TAF4B: variants seen among roughly 807,000 people sequenced by gnomAD.
TAF4B encodes the protein TATA-box binding protein associated factor 4b.
A neutral mutation model predicts 86.4 loss-of-function variants in TAF4B; 38 were observed. The observed-to-expected ratio is 0.44, with a 90% confidence interval of 0.34 to 0.58. The LOEUF is 0.58. Ranked by LOEUF, TAF4B falls within the 20% of genes least tolerant of loss-of-function variation. The pLI, the probability that TAF4B is intolerant of heterozygous loss-of-function variation, is 0.02. For synonymous variants in TAF4B, 388 were observed against 391.2 expected (o/e 0.99, Z 0.10); for missense variants, 988 against 1,027.6 (o/e 0.96, Z 0.53).
chr18:26,295,265 TG>T (rs1211643624), intron 9 of TAF4B: 1 of 359,038 alleles, frequency 2.8e-6, no homozygotes, highest in East Asian at 9.3e-5. Flanking sequence ...TGTCATCTCT[TG>T]GTTGGATGAA....
At chr18:26,238,462 C>G (rs2055783273) in intron 1 of TAF4B, among the ~76,000 whole-genome samples, 1 of 150,790 alleles carries the variant, frequency 6.6e-6, no homozygotes. Flanking sequence ...TCCAGATAGT[C>G]CCCACTCTGC....
intron 14 of TAF4B, among the ~76,000 whole-genome samples, chr18:26,385,564 A>AT (rs34113512): frequency 0.36 from 54,007 of 151,972 alleles, 11,738 homozygotes; most frequent in East Asian, 0.81. Flanking sequence ...TTCATCTTTC[A>AT]TTTTCATCCA....
chr18:26,230,897 T>C (rs1022742581), intron 1 of TAF4B, among the ~76,000 whole-genome samples: 1 of 152,100 alleles, frequency 6.6e-6, no homozygotes, highest in Non-Finnish European at 1.5e-5. Flanking sequence ...ATTCTGAGGG[T>C]CATCACACAT....
intron 13 of TAF4B, among the ~76,000 whole-genome samples, chr18:26,346,759 G>GTATATATATATATATATATATA (rs1189521252): frequency 1.1e-4 from 3 of 27,112 alleles, no homozygotes; most frequent in Admixed American, 3.7e-4. Flanking sequence ...ATATATGTGT[G>GTATATATATATATATATATATA]TATATATATA....
At chr18:26,238,759 G>A (rs1260248239) in intron 1 of TAF4B, among the ~76,000 whole-genome samples, 2 of 151,992 alleles carry the variant, frequency 1.3e-5, no homozygotes, top group East Asian at 3.9e-4. Flanking sequence ...CCCACGACAG[G>A]CCCCAGTGTG....
At chr18:26,298,093 T>C (rs554596656) in intron 9 of TAF4B, among the ~76,000 whole-genome samples, 4 of 140,112 alleles carry the variant, frequency 2.9e-5, no homozygotes, top group Admixed American at 2.4e-4. Context: ...TGTAGCTCAC[T>C]GTGACTTTAA....
chr18:26,260,999 T>C (rs1280754144), intron 1 of TAF4B, among the ~76,000 whole-genome samples: 1 of 152,146 alleles, frequency 6.6e-6, no homozygotes, highest in African/African-American at 2.4e-5. Context: ...TAGCTTGTTG[T>C]TAACTATAGT....
intron 1 of TAF4B, among the ~76,000 whole-genome samples, chr18:26,264,418 C>CT (rs1262478560): frequency 4.6e-5 from 7 of 152,194 alleles, no homozygotes; most frequent in African/African-American, 1.7e-4. Context: ...GAGCGAGACT[C>CT]TGTCTCAAAA....
chr18:26,353,434 A>G (rs912325168), intron 13 of TAF4B, among the ~76,000 whole-genome samples: 3 of 152,248 alleles, frequency 2.0e-5, no homozygotes, highest in African/African-American at 7.2e-5. Context: ...ATCTAAGAAT[A>G]GAAGAGACTT....
chr18:26,294,433 G>A (rs981084786), intron 9 of TAF4B, among the ~76,000 whole-genome samples: 1 of 151,674 alleles, frequency 6.6e-6, no homozygotes, highest in African/African-American at 2.4e-5. Context: ...TTGGTGAAGT[G>A]TGTGTTCAAA....
chr18:26,336,753 A>G (rs988274384), intron 13 of TAF4B, among the ~76,000 whole-genome samples: 1 of 152,166 alleles, frequency 6.6e-6, no homozygotes, highest in African/African-American at 2.4e-5. Flanking sequence ...CCTTGTTTTA[A>G]TTAAGGACTG....
chr18:26,349,874 C>T (rs1336510368), intron 13 of TAF4B, among the ~76,000 whole-genome samples: 5 of 152,098 alleles, frequency 3.3e-5, no homozygotes, highest in Non-Finnish European at 7.4e-5. Context: ...CATAGACCAA[C>T]GGAACAGAAT....
At chr18:26,329,894 T>G (rs1437577781) in intron 12 of TAF4B, among the ~76,000 whole-genome samples, 1 of 152,212 alleles carries the variant, frequency 6.6e-6, no homozygotes, top group African/African-American at 2.4e-5. Context: ...AGCCTTGGCC[T>G]CTTGGGCTTA....
chr18:26,315,095 A>ACTCTCTCTCT lies in TAF4B; in HGVS notation c.1833-93_1833-84dup, dbSNP rs58691265. The ACTCTCTCTCT allele has an allele frequency of 6.1e-3, 1,352 of 219,874 alleles. 35 individuals are homozygous for ACTCTCTCTCT. The highest frequency in any genetic ancestry group is 0.02 in the East Asian group (207 of 10,486). 13.6% of individuals were successfully genotyped at this position (219,874 alleles called of 1,614,324 possible). A position where few individuals can be genotyped will look rare whatever the true frequency, so the allele number is the denominator to read the frequency against. ...ACCTCTAATTCTTTTGCTCTCTGAA[A>ACTCTCTCTCT]CTCTCTCTCTCTCTCTCTCTCTCTC... On this transcript the variant is annotated intron_variant, in intron 9 of 14. Coordinates refer to ENST00000269142, the MANE Select transcript of TAF4B (RefSeq NM_005640.3).
At position 26,249,907 on chromosome 18, in the gene TAF4B, G is replaced by C. The variant is rs941820125; in HGVS notation, c.344-15263G>C. On this transcript the variant is annotated intron_variant, in intron 1 of 14. Coordinates refer to ENST00000269142, the MANE Select transcript of TAF4B (RefSeq NM_005640.3). ...CCGGCTAATTTTTGAATTTTTGATA[G>C]AGATAGGGTTTCACCATGTTGGCCA... is the stretch of plus-strand genomic sequence containing the variant. 1.2e-4 allele frequency among the ~76,000 whole-genome samples: 19 copies of C among 152,104 alleles called. No individual in the cohort carries two copies. The East Asian group carries it at 1.4e-3, about 11-fold the overall frequency.
chr18:26,320,649 T>C (rs2056954119), intron 10 of TAF4B, among the ~76,000 whole-genome samples: 1 of 152,240 alleles, frequency 6.6e-6, no homozygotes, highest in South Asian at 2.1e-4. Context: ...ATAATCTGAA[T>C]TCATTTAAAT....
intron 14 of TAF4B, chr18:26,366,506 G>C (rs2057372625): frequency 6.6e-6 from 1 of 152,164 alleles, no homozygotes; most frequent in Non-Finnish European, 1.5e-5. Context: ...ATTTATTTAG[G>C]GGGAAGGGAA....
intron 9 of TAF4B, among the ~76,000 whole-genome samples, chr18:26,301,748 A>T (rs2056735794): frequency 6.6e-6 from 1 of 152,130 alleles, no homozygotes; most frequent in African/African-American, 2.4e-5. Flanking sequence ...TAAATGCCTC[A>T]CTTATTAATA....
intron 9 of TAF4B, among the ~76,000 whole-genome samples, chr18:26,297,350 A>T (rs969894035): frequency 6.6e-5 from 10 of 152,188 alleles, no homozygotes; most frequent in African/African-American, 2.4e-4. Context: ...GTCAGCTCTG[A>T]TTGACATGTG....
Sources: allele counts gnomAD v4.1 joint callset (sites outside exome capture counted in the v4.1 genomes callset), GRCh38; gene constraint gnomAD v4.1.1; transcripts MANE v1.5; gene names NCBI Gene and HGNC (gene_info 2026-07-23, HGNC 2026-07-21).